MAGI2: variants seen among roughly 807,000 people sequenced by gnomAD.
MAGI2 encodes the protein membrane-associated guanylate kinase, WW and PDZ domain-containing protein 2.
A neutral mutation model predicts 133.3 loss-of-function variants in MAGI2; 35 were observed. The observed-to-expected ratio is 0.26, with a 90% CI of 0.20 to 0.35. MAGI2 has a LOEUF of 0.35. MAGI2 is among the 10% of genes least tolerant of loss of function. The probability of loss-of-function intolerance (pLI) is 1.00; values close to 1 mark genes in which losing one functional copy is unlikely to be tolerated. For synonymous variants in MAGI2, 729 were observed against 710.6 expected (o/e 1.03, Z -0.41); for missense variants, 1,636 against 1,863.4 (o/e 0.88, Z 2.25).
At chr7:78,848,503 T>C (rs1009278941) in intron 2 of MAGI2, among the ~76,000 whole-genome samples, 1 of 152,030 alleles carries the variant, frequency 6.6e-6, no homozygotes, top group Non-Finnish European at 1.5e-5. Flanking sequence ...TAGATCATGT[T>C]GTTCTCTGAA....
chr7:79,145,145 C>T (rs1822496545), intron 1 of MAGI2, among the ~76,000 whole-genome samples: 1 of 152,120 alleles, frequency 6.6e-6, no homozygotes, highest in East Asian at 1.9e-4. Flanking sequence ...GGGTCTACTA[C>T]TTCCTAGAAA....
chr7:78,969,128 A>G (rs1803569009), intron 2 of MAGI2, among the ~76,000 whole-genome samples: 1 of 152,042 alleles, frequency 6.6e-6, no homozygotes, highest in Non-Finnish European at 1.5e-5. Context: ...TGTCGGGGTC[A>G]TGGCGCAGGA....
At chr7:78,616,782 A>C (rs1042755641) in intron 3 of MAGI2, 1 of 152,204 alleles carries the variant, frequency 6.6e-6, no homozygotes, top group Non-Finnish European at 1.5e-5. Flanking sequence ...GGGTCAGGCT[A>C]AATCTCTAAG....
At chr7:79,136,448 C>A (rs1391511263) in intron 1 of MAGI2, among the ~76,000 whole-genome samples, 1 of 152,210 alleles carries the variant, frequency 6.6e-6, no homozygotes, top group Non-Finnish European at 1.5e-5. Flanking sequence ...AGGACTAGCA[C>A]CTTGTCTCCC....
chr7:79,339,960 C>T (rs1219512550), intron 1 of MAGI2, among the ~76,000 whole-genome samples: 1 of 152,074 alleles, frequency 6.6e-6, no homozygotes, highest in African/African-American at 2.4e-5. Context: ...TAGAATATGT[C>T]TTAAGTACAT....
intron 16 of MAGI2, among the ~76,000 whole-genome samples, chr7:78,158,929 T>C (rs1824674341): frequency 6.6e-6 from 1 of 152,070 alleles, no homozygotes; most frequent in African/African-American, 2.4e-5. Context: ...GTGTATCAGC[T>C]GACACCACCC....
intron 7 of MAGI2, among the ~76,000 whole-genome samples, chr7:78,364,989 TG>T (rs1474760728): frequency 6.6e-6 from 1 of 152,238 alleles, no homozygotes; most frequent in Non-Finnish European, 1.5e-5. Context: ...GAACTTGGTC[TG>T]TTTACACAGA....
At chr7:78,526,321 A>T (rs557858176) in intron 3 of MAGI2, among the ~76,000 whole-genome samples, 1 of 152,212 alleles carries the variant, frequency 6.6e-6, no homozygotes, top group Non-Finnish European at 1.5e-5. Flanking sequence ...CATTTTAGGA[A>T]TTTTTTTCCA....
At chr7:78,596,237 A>G (rs1433691790) in intron 3 of MAGI2, among the ~76,000 whole-genome samples, 1 of 134,684 alleles carries the variant, frequency 7.4e-6, no homozygotes, top group African/African-American at 2.7e-5. Context: ...GGGAAGGAAG[A>G]AAGGAAAGGT....
chr7:78,386,081 C>T (rs1271633968), intron 6 of MAGI2, among the ~76,000 whole-genome samples: 2 of 152,158 alleles, frequency 1.3e-5, no homozygotes, highest in African/African-American at 2.4e-5. Flanking sequence ...CATTTCAGCT[C>T]TGTCCCACCT....
intron 6 of MAGI2, among the ~76,000 whole-genome samples, chr7:78,411,046 C>G (rs568659583): frequency 1.3e-5 from 2 of 151,886 alleles, no homozygotes; most frequent in Admixed American, 1.3e-4. Flanking sequence ...CCTCAGAGAA[C>G]TATACATTAT....
chr7:78,751,132 A>G (rs1585288267), intron 2 of MAGI2, among the ~76,000 whole-genome samples: 1 of 152,190 alleles, frequency 6.6e-6, no homozygotes, highest in East Asian at 1.9e-4. Context: ...GTTCCCTGAT[A>G]TATAATGGCT....
At chr7:79,160,282 G>A (rs1459364606) in intron 1 of MAGI2, among the ~76,000 whole-genome samples, 1 of 151,958 alleles carries the variant, frequency 6.6e-6, no homozygotes, top group Non-Finnish European at 1.5e-5. Context: ...AACTACTTAA[G>A]TGTTGCTTTA....
chr7:78,981,085 G>T (rs1804743501), intron 2 of MAGI2, among the ~76,000 whole-genome samples: 1 of 151,340 alleles, frequency 6.6e-6, no homozygotes, highest in Admixed American at 6.6e-5. Flanking sequence ...TGGCTCTTCT[G>T]ACTTTCTTCT....
chr7:78,351,499 G>C (rs745197), intron 7 of MAGI2, among the ~76,000 whole-genome samples: 3 of 151,878 alleles, frequency 2.0e-5, no homozygotes, highest in Admixed American at 6.6e-5. Context: ...GAGGGAGTGA[G>C]AGGACTGGCT....
intron 1 of MAGI2, among the ~76,000 whole-genome samples, chr7:79,122,478 A>G (rs533824368): frequency 6.6e-6 from 1 of 152,314 alleles, no homozygotes; most frequent in African/African-American, 2.4e-5. Flanking sequence ...TTAAAAAGGA[A>G]ATGAGTCATT....
At chr7:78,201,475 G>T (rs1829245411) in intron 10 of MAGI2, among the ~76,000 whole-genome samples, 1 of 152,170 alleles carries the variant, frequency 6.6e-6, no homozygotes, top group South Asian at 2.1e-4. Context: ...GCTTGACAAG[G>T]CTCAAAACTC....
intron 1 of MAGI2, among the ~76,000 whole-genome samples, chr7:79,079,786 T>C (rs1815874114): frequency 2.0e-5 from 3 of 152,130 alleles, no homozygotes; most frequent in African/African-American, 7.2e-5. Context: ...TACATTACTT[T>C]ATTTCTAAAG....
intron 1 of MAGI2, among the ~76,000 whole-genome samples, chr7:79,191,398 C>CTTTCTTTTTTTTTTTTTTTTTT (rs1827645885): frequency 2.2e-5 from 1 of 45,514 alleles, no homozygotes; most frequent in Non-Finnish European, 4.5e-5. Flanking sequence ...TTTTCTTTTT[C>CTTTCTTTTTTTTTTTTTTTTTT]TTTCTTTTTT....
Sources: gnomAD v4.1 joint callset for allele counts (sites outside exome capture counted in the v4.1 genomes callset) on GRCh38, gnomAD v4.1.1 for gene constraint, MANE v1.5 for transcripts, NCBI Gene and HGNC (gene_info 2026-07-23, HGNC 2026-07-21) for gene names.